ALPK1: variants seen among roughly 807,000 people sequenced by gnomAD.
ALPK1 encodes the protein alpha-protein kinase 1.
In ALPK1, 110 loss-of-function variants were observed where a neutral mutation model predicts 120.6. The observed-to-expected ratio is 0.91, with a 90% CI of 0.78 to 1.07. ALPK1 has a LOEUF of 1.07. Ranked by LOEUF, ALPK1 falls within the 50% of genes least tolerant of loss-of-function variation. The pLI, the probability that ALPK1 is intolerant of heterozygous loss-of-function variation, is 0.00. For synonymous variants in ALPK1, 582 were observed against 560.3 expected, an observed-to-expected ratio of 1.04 and a Z score of -0.55; for missense variants, 1,498 against 1,483.9, an observed-to-expected ratio of 1.01 and a Z score of -0.16.
chr4:112,368,060 C>A (rs1731236136), intron 2 of ALPK1, among the ~76,000 whole-genome samples: 2 of 151,966 alleles, frequency 1.3e-5, no homozygotes, highest in African/African-American at 4.8e-5. Flanking sequence ...ATTGCACCAC[C>A]ACGCGCACCA....
chr4:112,306,894 A>G (rs1219900170), intron 1 of ALPK1, among the ~76,000 whole-genome samples: 1 of 152,140 alleles, frequency 6.6e-6, no homozygotes, highest in Admixed American at 6.5e-5. Context: ...ATTTAGTGCT[A>G]TAAATTTCCC....
intron 4 of ALPK1, among the ~76,000 whole-genome samples, chr4:112,391,721 G>C (rs531664686): frequency 1.3e-5 from 2 of 152,174 alleles, no homozygotes; most frequent in Non-Finnish European, 2.9e-5. Context: ...GAAAGGCAGG[G>C]AACAGATGCT....
Position 112,431,681 on chromosome 4 carries a change from C to T in ALPK1, c.2134C>T (p.His712Tyr). 1 of 1,614,212 alleles carries T rather than the reference C, an allele frequency of 6.2e-7. No homozygotes were observed. Among genetic ancestry groups the T allele is most frequent in the Non-Finnish European group, 8.5e-7 (1 of 1,180,044 alleles). Residue 712 changes from histidine (H) to tyrosine (Y), a missense_variant, in exon 11 of 16, where the codon CAC becomes TAC. Transcript: ENST00000650871. ...TATGGGACCCAGAAATACTTCTGCT[C>T]ACTCCAGACCCTCATATCGTTCTGC... Reference protein sequence around the residue: ...RNMGPRNTSAHSRPSYRSASW... With the variant: ...RNMGPRNTSAYSRPSYRSASW...
chr4:112,361,712 G>A (rs572193155), intron 2 of ALPK1, among the ~76,000 whole-genome samples: 2 of 152,360 alleles, frequency 1.3e-5, no homozygotes, highest in South Asian at 4.1e-4. Flanking sequence ...GGGCAAGCTT[G>A]TATCCTCCCT....
chr4:112,393,839 G>A (rs1289116266), intron 4 of ALPK1, among the ~76,000 whole-genome samples: 1 of 151,964 alleles, frequency 6.6e-6, no homozygotes, highest in Non-Finnish European at 1.5e-5. Flanking sequence ...CTTCCCATTT[G>A]GTGGCCTGCT....
chr4:112,382,577 C>G, intron 4 of ALPK1, 25 bp downstream of exon 4: 1 of 1,614,054 alleles, frequency 6.2e-7, no homozygotes, highest in Non-Finnish European at 8.5e-7. Context: ...ACCACCTGTT[C>G]CTCTGATATC....
intron 2 of ALPK1, among the ~76,000 whole-genome samples, chr4:112,369,028 CT>C (rs5861097): frequency 0.84 from 127,354 of 151,536 alleles, 53,535 homozygotes; most frequent in Middle Eastern, 0.89. Context: ...TCAGCCTTTA[CT>C]TCTTTTTTTG....
chr4:112,416,582 A>G (rs1733755950), intron 5 of ALPK1, among the ~76,000 whole-genome samples: 1 of 152,118 alleles, frequency 6.6e-6, no homozygotes, highest in African/African-American at 2.4e-5. Flanking sequence ...CCTTGGGCAA[A>G]AAAGTTTTAG....
chr4:112,318,675 A>G (rs771790095), intron 2 of ALPK1, among the ~76,000 whole-genome samples: 2 of 152,284 alleles, frequency 1.3e-5, no homozygotes, highest in African/African-American at 2.4e-5. Context: ...AGGAACATTC[A>G]TTCATTCATT....
chr4:112,336,383 C>T (rs1729621223), intron 2 of ALPK1, among the ~76,000 whole-genome samples: 1 of 152,168 alleles, frequency 6.6e-6, no homozygotes, highest in South Asian at 2.1e-4. Flanking sequence ...ACAGAAACTA[C>T]ATTTGGAAAT....
chr4:112,441,082 C>A lies in ALPK1; in HGVS notation c.3704C>A (p.Thr1235Asn). 1 of 1,613,912 alleles carries A rather than the reference C, an allele frequency of 6.2e-7. No homozygotes were observed. Among genetic ancestry groups the A allele is most frequent in the Non-Finnish European group, 8.5e-7 (1 of 1,179,848 alleles). The change falls in exon 15 of 16, where the codon ACT becomes AAT. Residue 1235 changes from threonine (T) to asparagine (N), a missense_variant. Physicochemically the swap from Thr to Asn is moderately conservative, Grantham distance 65. Transcript: ENST00000650871. ...GAAATCTGCCATCGTCTTTCTTTGA[C>A]TAGACCTTCAATGGAGAAACCATGT... ...CNEICHRLSLTRPSMEKPCT is the reference protein window; with the variant it reads ...CNEICHRLSLNRPSMEKPCT
intron 2 of ALPK1, chr4:112,358,454 G>A: frequency 1.5e-6 from 1 of 658,846 alleles, no homozygotes; most frequent in Non-Finnish European, 2.7e-6. Flanking sequence ...CACCAGGAAA[G>A]CTAAGAGTCT....
chr4:112,389,825 A>C (rs965013), intron 4 of ALPK1, among the ~76,000 whole-genome samples: 88,966 of 152,052 alleles, frequency 0.59, 27,381 homozygotes, highest in East Asian at 0.78. Flanking sequence ...GGTCCAGTAG[A>C]ATAAGCTGGG....
At chr4:112,322,636 A>G (rs369331769) in intron 2 of ALPK1, among the ~76,000 whole-genome samples, 10 of 152,222 alleles carry the variant, frequency 6.6e-5, no homozygotes, top group African/African-American at 2.4e-4. Flanking sequence ...CAGATATTAA[A>G]CAAAGCTGCA....
chr4:112,416,554 C>T (rs1733754078), intron 5 of ALPK1, among the ~76,000 whole-genome samples: 1 of 152,082 alleles, frequency 6.6e-6, no homozygotes, highest in African/African-American at 2.4e-5. Context: ...TGTCTTTACA[C>T]TGAAGGAGTA....
At chr4:112,301,875 GAGC>G (rs971054934) in intron 1 of ALPK1, among the ~76,000 whole-genome samples, 2 of 152,066 alleles carry the variant, frequency 1.3e-5, no homozygotes, top group Non-Finnish European at 2.9e-5. Flanking sequence ...GAGCCTGAGT[GAGC>G]TATCGACTTA....
At position 112,431,698 on chromosome 4, in the gene ALPK1, T is replaced by A. The variant is rs1417397609; in HGVS notation, c.2151T>A (p.Tyr717Ter). 1 of 1,614,186 alleles carries A rather than the reference T, an allele frequency of 6.2e-7. No homozygotes were observed. The highest frequency in any genetic ancestry group is 2.2e-5 in the East Asian group (1 of 44,882). ...CTTCTGCTCACTCCAGACCCTCATA[T>A]CGTTCTGCTTCTTGGTCTTCTGATT... ...RNTSAHSRPS[Y>*]RSASWSSDSG... Residue 717 changes from tyrosine (Y) to a stop codon, truncating the protein, a stop_gained, in exon 11 of 16, where the codon TAT becomes TAA. Transcript: ENST00000650871. LOFTEE classifies it high-confidence loss of function.
chr4:112,324,512 C>A (rs1230048217), intron 2 of ALPK1, among the ~76,000 whole-genome samples: 1 of 152,010 alleles, frequency 6.6e-6, no homozygotes, highest in African/African-American at 2.4e-5. Flanking sequence ...GGGTCTAACT[C>A]TATTGTCCTG....
At chr4:112,359,830 A>G in intron 2 of ALPK1, 1 of 378,690 alleles carries the variant, frequency 2.6e-6, no homozygotes, top group Non-Finnish European at 5.2e-6. Context: ...GTGCCCATGG[A>G]GGCCCTCAGC....
Sources: gnomAD v4.1 joint callset for allele counts (sites outside exome capture counted in the v4.1 genomes callset) on GRCh38, gnomAD v4.1.1 for gene constraint, MANE v1.5 for transcripts, NCBI Gene and HGNC (gene_info 2026-07-23, HGNC 2026-07-21) for gene names.